RBBP4: variants seen among roughly 807,000 people sequenced by gnomAD.
RBBP4 encodes histone-binding protein RBBP4.
RBBP4 carries 3 observed loss-of-function variants against 57.2 expected under a neutral mutation model. The observed-to-expected ratio is 0.05, with a 90% CI of 0.02 to 0.14. RBBP4 has a LOEUF of 0.14. RBBP4 is among the 10% of genes least tolerant of loss of function. The probability of loss-of-function intolerance (pLI) is 1.00; values close to 1 mark genes in which losing one functional copy is unlikely to be tolerated. For missense variants in RBBP4, 107 were observed against 520.6 expected (o/e 0.21, Z 7.73); for synonymous variants, 151 against 171.5 (o/e 0.88, Z 0.93).
intron 11 of RBBP4, among the ~76,000 whole-genome samples, chr1:32,674,931 G>A (rs1458555507): frequency 6.6e-6 from 1 of 151,718 alleles, no homozygotes; most frequent in Non-Finnish European, 1.5e-5. Flanking sequence ...TAGAGACGGG[G>A]TTTCACCATG....
chr1:32,667,070 C>G (rs778133545), intron 3 of RBBP4, among the ~76,000 whole-genome samples: 1 of 152,150 alleles, frequency 6.6e-6, no homozygotes, highest in Non-Finnish European at 1.5e-5. Flanking sequence ...AAGGGAGCCT[C>G]CCTTCCCTTG....
At chr1:32,651,464 G>A in intron 1 of RBBP4, 142 bp downstream of exon 1, 1 of 1,365,522 alleles carries the variant, frequency 7.3e-7, no homozygotes, top group Non-Finnish European at 9.5e-7. Context: ...AACTCCCCGC[G>A]GGGCGTGCTA....
At chr1:32,675,436 A>G (rs564397808) in intron 11 of RBBP4, among the ~76,000 whole-genome samples, 2 of 152,180 alleles carry the variant, frequency 1.3e-5, no homozygotes, top group Admixed American at 6.5e-5. Context: ...TTACCTCCAA[A>G]TACCATCACA....
Position 32,684,005 on chromosome 1 carries a change from A to G in RBBP4, c.*4300A>G, listed in dbSNP as rs1186729578. On this transcript the variant is annotated 3_prime_UTR_variant, in exon 12 of 12. Coordinates refer to ENST00000373493, the MANE Select transcript of RBBP4 (RefSeq NM_005610.3). ...AAACACCACTCTTCTCTTCACAAAG[A>G]TCACCTTGAGACTGTGTCTCCATTC... The G allele has an allele frequency of 6.2e-7, 1 of 1,613,478 alleles. No homozygotes were observed. Among genetic ancestry groups the G allele is most frequent in the Non-Finnish European group, 8.5e-7 (1 of 1,179,564 alleles).
At chr1:32,675,896 GC>G (rs1213159121) in intron 11 of RBBP4, among the ~76,000 whole-genome samples, 1 of 152,074 alleles carries the variant, frequency 6.6e-6, no homozygotes, top group Non-Finnish European at 1.5e-5. Context: ...TTCTAGACTA[GC>G]CTGGGCAATA....
At chr1:32,670,881 A>G (rs529780830) in intron 8 of RBBP4, among the ~76,000 whole-genome samples, 27 of 152,202 alleles carry the variant, frequency 1.8e-4, no homozygotes, top group Non-Finnish European at 3.5e-4. Flanking sequence ...GGTGAGCCAT[A>G]CTCCTACATA....
chr1:32,657,254 C>T (rs748187749), intron 2 of RBBP4, among the ~76,000 whole-genome samples, 173 bp from the exon 3 acceptor site: 3 of 151,954 alleles, frequency 2.0e-5, no homozygotes, highest in South Asian at 2.1e-4. Flanking sequence ...CTAGCCTGGG[C>T]GAAAGAGTGA....
chr1:32,655,530 A>G (rs1368002304), intron 2 of RBBP4, among the ~76,000 whole-genome samples: 2 of 152,172 alleles, frequency 1.3e-5, no homozygotes, highest in East Asian at 1.9e-4. Context: ...AGTGTAATGT[A>G]GAAGCTCTCA....
rs143234807 is a variant in RBBP4 at position 32,672,843 on chromosome 1, A to G, written c.1154A>G (p.Asn385Ser). The change falls in exon 11 of 12, where the codon AAT (asparagine) becomes AGT (serine). Residue 385 changes from asparagine (N) to serine (S), a missense_variant. By Grantham distance (46) the Asn-to-Ser change is conservative. Coordinates refer to ENST00000373493, the MANE Select transcript of RBBP4 (RefSeq NM_005610.3). ...ATATCTGATTTCTCCTGGAATCCCAATGAACCTTGGGTGATTTGTTCTGTA... is the reference window on the plus strand; with the variant it reads ...ATATCTGATTTCTCCTGGAATCCCAGTGAACCTTGGGTGATTTGTTCTGTA... ...AKISDFSWNP[N>S]EPWVICSVSE... is the part of the protein sequence containing the mutation. 7 of 1,613,980 alleles carry G rather than the reference A, an allele frequency of 4.3e-6. No homozygotes were observed. The highest frequency in any genetic ancestry group is 2.2e-5 in the East Asian group (1 of 44,868).
intron 3 of RBBP4, among the ~76,000 whole-genome samples, chr1:32,664,980 AT>A (rs1271449345): frequency 6.6e-6 from 1 of 152,124 alleles, no homozygotes; most frequent in Non-Finnish European, 1.5e-5. Flanking sequence ...GCTAAAAAAA[AT>A]AATAATAATA....
At chr1:32,668,158 C>G (rs1648734597) in intron 3 of RBBP4, 67 bp from the exon 4 acceptor site, 1 of 1,442,936 alleles carries the variant, frequency 6.9e-7, no homozygotes, top group South Asian at 1.3e-5. Flanking sequence ...TTCCTGTGTT[C>G]TTATACTCTG....
At chr1:32,667,640 G>A (rs1207252349) in intron 3 of RBBP4, among the ~76,000 whole-genome samples, 1 of 152,110 alleles carries the variant, frequency 6.6e-6, no homozygotes, top group African/African-American at 2.4e-5. Flanking sequence ...AGCCCCGTAG[G>A]GCTGGACCCT....
intron 3 of RBBP4, among the ~76,000 whole-genome samples, chr1:32,662,595 C>T (rs922417246): frequency 1.3e-5 from 2 of 151,156 alleles, no homozygotes; most frequent in East Asian, 2.0e-4. Context: ...AGGTTGGTCT[C>T]GAACTCCTGA....
At position 32,669,651 on chromosome 1, in the gene RBBP4, G is replaced by A. The variant is rs1157312751; in HGVS notation, c.966+88G>A. 2 of 1,490,840 alleles carry A rather than the reference G, an allele frequency of 1.3e-6. No individual in the cohort carries two copies. The highest frequency in any genetic ancestry group is 2.8e-5 in the African/African-American group (2 of 70,832). The allele number at this position is 1,490,840 out of a possible 1,614,324, so 92.4% of individuals were successfully genotyped here. A position where few individuals can be genotyped will look rare whatever the true frequency, so the allele number is the denominator to read the frequency against. On this transcript the variant is annotated intron_variant, in intron 8 of 11. Transcript: ENST00000373493. The surrounding 1 kb of genome is among the most constrained non-coding windows in gnomAD (Gnocchi z 4.9). ...CACGCCTGTAATCCCAGCACTTTGG[G>A]AGGCTGAAGCGGGCGGATCACAAGG... is the stretch of plus-strand genomic sequence containing the variant.
At chr1:32,662,029 G>C (rs1648440505) in intron 3 of RBBP4, among the ~76,000 whole-genome samples, 1 of 151,026 alleles carries the variant, frequency 6.6e-6, no homozygotes, top group Admixed American at 6.6e-5. Flanking sequence ...GGGACTACAG[G>C]TCTGTGCCAC....
Position 32,661,870 on chromosome 1 carries a change from C to CTTTTTTTTTTT in RBBP4, c.310+4324_310+4334dup, listed in dbSNP as rs71006354. On this transcript the variant is annotated intron_variant, in intron 3 of 11. Transcript: ENST00000373493. ...AGTGTCTGTTCATGTCCTTTGCCCA[C>CTTTTTTTTTTT]TTTTTTTTTTTTTTTTTTTTTTTTT... Among the ~76,000 whole-genome samples the CTTTTTTTTTTT allele has an allele frequency of 4.1e-5, 2 of 49,308 alleles. 1 individual carries two copies. The highest frequency in any genetic ancestry group is 1.8e-4 in the African/African-American group (2 of 11,078). 32.3% of individuals were successfully genotyped at this position (49,308 alleles called of 152,430 possible). A position where few individuals can be genotyped will look rare whatever the true frequency, so the allele number is the denominator to read the frequency against.
chr1:32,658,291 A>G (rs1648232177), intron 3 of RBBP4, among the ~76,000 whole-genome samples: 1 of 151,374 alleles, frequency 6.6e-6, no homozygotes, highest in Non-Finnish European at 1.5e-5. Context: ...TAGGATATCT[A>G]TGGTATTAAA....
chr1:32,651,522 C>T, intron 1 of RBBP4, 200 bp downstream of exon 1: 1 of 1,326,536 alleles, frequency 7.5e-7, no homozygotes, highest in Non-Finnish European at 9.7e-7. Context: ...GCTGGCGAAG[C>T]CAGCGGTGGG....
intron 1 of RBBP4, chr1:32,651,559 C>A: frequency 8.9e-7 from 1 of 1,126,196 alleles, no homozygotes; most frequent in Non-Finnish European, 1.2e-6. Context: ...TGTTTCTCTT[C>A]CTGCCTCCGA....
Sources: gnomAD v4.1 joint callset for allele counts (sites outside exome capture counted in the v4.1 genomes callset) on GRCh38, gnomAD v4.1.1 for gene constraint, Gnocchi (gnomAD v3.1) non-coding constraint, MANE v1.5 for transcripts, NCBI Gene and HGNC (gene_info 2026-07-23, HGNC 2026-07-21) for gene names.